The following IQCH variants were observed in gnomAD, a reference collection of about 807,000 sequenced individuals.
IQCH encodes IQ domain-containing protein H.
Under a neutral mutation model 117.0 loss-of-function variants are expected in IQCH, and 98 were observed. The observed-to-expected ratio is 0.84, with a 90% CI of 0.71 to 0.99. The LOEUF (loss-of-function observed/expected upper bound fraction) is 0.99, where lower values mean the gene tolerates loss of function less well. Among genes scored for constraint, IQCH ranks in the 50% least tolerant of loss-of-function variants. The pLI is 0.00. For missense variants in IQCH, 1,102 were observed against 1,243.8 expected (o/e 0.89, Z 1.72); for synonymous variants, 412 against 448.2 (o/e 0.92, Z 1.02).
chr15:67,293,995 G>T (rs1966839015), intron 4 of IQCH, among the ~76,000 whole-genome samples: 1 of 152,154 alleles, frequency 6.6e-6, no homozygotes, highest in African/African-American at 2.4e-5. Flanking sequence ...AATTTGAAAG[G>T]TCCCCTATAG....
rs932074903 is a variant in IQCH, at chr15:67,436,532, G to A, written c.2505+14955G>A. On this transcript the variant is annotated intron_variant, in intron 16 of 20. Coordinates refer to ENST00000335894, the MANE Select transcript of IQCH (RefSeq NM_001031715.3). This position sits in a 1 kb window ranked among gnomAD's most constrained non-coding sequence, Gnocchi z 5.1. ...AGGGAGAAGGAATTCTCTAGCTAAA[G>A]TTTGTAACAACTTGAACAGGGTGAG... Among the ~76,000 whole-genome samples the A allele has an allele frequency of 7.2e-5, 11 of 152,298 alleles. No individual in the cohort carries two copies. In the East Asian group the frequency reaches 2.1e-3, roughly 29 times the overall value.
chr15:67,362,308 C>T (rs1490635750), intron 8 of IQCH, among the ~76,000 whole-genome samples: 3 of 151,702 alleles, frequency 2.0e-5, no homozygotes, highest in African/African-American at 7.3e-5. Context: ...AAAAAAAATC[C>T]AAATTGAAGA....
rs1965456175 is a variant in IQCH, at chr15:67,261,398, A to C, written c.174+4A>C. 3.8e-6 allele frequency: 6 copies of C among 1,582,098 alleles called. No homozygotes were observed. In the South Asian group the frequency reaches 7.1e-5, roughly 19 times the overall value. On this transcript the variant is annotated splice_donor_region_variant and intron_variant, in intron 2 of 20. Coordinates refer to ENST00000335894, the MANE Select transcript of IQCH (RefSeq NM_001031715.3). ...AAGGACTGAAGTGGGGTTAAGAGTAAGTAGAGCTTTAGATATTAAAATACT... is the reference window on the plus strand; with the variant it reads ...AAGGACTGAAGTGGGGTTAAGAGTACGTAGAGCTTTAGATATTAAAATACT...
rs1969282064 is a variant in IQCH, at chr15:67,344,078, TA to T, written c.525del (p.Ile175MetfsTer5). 2 of 1,612,970 alleles carry T rather than the reference TA, an allele frequency of 1.2e-6. No homozygotes were observed. Among genetic ancestry groups the T allele is most frequent in the Non-Finnish European group, 1.7e-6 (2 of 1,179,262 alleles). Reference sequence around the variant, plus strand: ...TTCTTTTTAGGGATTTTAAGTATGATAGAACGAGGGCTGATTCCACCAACAG... The same window carrying T: ...TTCTTTTTAGGGATTTTAAGTATGATGAACGAGGGCTGATTCCACCAACAG... ...ADAHKGILSM[I>X]ERGLIPPTAR... On this transcript the variant is annotated frameshift_variant, in exon 6 of 21. Coordinates refer to ENST00000335894, the MANE Select transcript of IQCH (RefSeq NM_001031715.3). LOFTEE classifies it high-confidence loss of function.
At chr15:67,343,019 A>C (rs1446989668) in intron 5 of IQCH, among the ~76,000 whole-genome samples, 1 of 152,220 alleles carries the variant, frequency 6.6e-6, no homozygotes, top group South Asian at 2.1e-4. Context: ...AGTGTTTTAC[A>C]AGTGAACTAT....
chr15:67,420,094 C>G (rs541669321), intron 15 of IQCH, among the ~76,000 whole-genome samples: 19 of 152,256 alleles, frequency 1.2e-4, no homozygotes, highest in Non-Finnish European at 4.4e-5. Flanking sequence ...GTAGCACACA[C>G]GAGTAGGCCT....
chr15:67,302,248 C>G (rs935018867), intron 4 of IQCH, among the ~76,000 whole-genome samples: 1 of 152,116 alleles, frequency 6.6e-6, no homozygotes, highest in African/African-American at 2.4e-5. Flanking sequence ...AACCCACATC[C>G]AGTCAATACA....
chr15:67,383,267 TTA>T (rs1300629037), intron 10 of IQCH, among the ~76,000 whole-genome samples: 1 of 152,222 alleles, frequency 6.6e-6, no homozygotes, highest in Non-Finnish European at 1.5e-5. Context: ...ATACACTTCT[TTA>T]AAATGGGTGT....
In IQCH at chr15:67,465,875, A is replaced by C. The variant is rs1424990809; in HGVS notation, c.2676+578A>C. 6.6e-6 allele frequency among the ~76,000 whole-genome samples: 1 copy of C among 152,184 alleles called. No individual in the cohort carries two copies. The highest frequency in any genetic ancestry group is 1.5e-5 in the Non-Finnish European group (1 of 68,026). On this transcript the variant is annotated intron_variant, in intron 17 of 20. Transcript: ENST00000335894. The surrounding 1 kb of genome is among the most constrained non-coding windows in gnomAD (Gnocchi z 5.9). ...TCTCTCTCCACAAAGATAGTGTCTT[A>C]GTGTCGGCTTCCACCATCTCACACC... is the stretch of plus-strand genomic sequence containing the variant.
At chr15:67,377,158 CTT>C (rs1442768118) in intron 10 of IQCH, among the ~76,000 whole-genome samples, 1 of 149,652 alleles carries the variant, frequency 6.7e-6, no homozygotes, top group Non-Finnish European at 1.5e-5. Context: ...GAAAGGAGGA[CTT>C]ATGAAACTTG....
In IQCH at chr15:67,403,251, A is replaced by G. The variant is rs1231404171; in HGVS notation, c.2097+2946A>G. Among the ~76,000 whole-genome samples, 2 of 147,784 alleles carry G rather than the reference A, an allele frequency of 1.4e-5. No individual in the cohort carries two copies. Among genetic ancestry groups the G allele is most frequent in the African/African-American group, 2.5e-5 (1 of 40,688 alleles). On this transcript the variant is annotated intron_variant, in intron 14 of 20. Coordinates refer to ENST00000335894, the MANE Select transcript of IQCH (RefSeq NM_001031715.3). The surrounding 1 kb of genome is among the most constrained non-coding windows in gnomAD (Gnocchi z 4.8). The stretch of plus-strand genomic sequence containing the variant: ...GGCGACAGAGTGAGACACTGTCTCA[A>G]AAAAAAAAAAAAGTCATCTCTTTTT...
chr15:67,327,072 A>G (rs773525112), intron 4 of IQCH, among the ~76,000 whole-genome samples: 3 of 152,202 alleles, frequency 2.0e-5, no homozygotes, highest in Admixed American at 6.5e-5. Flanking sequence ...TCAGATTTCT[A>G]TTTACATTTG....
rs188947634 is a variant in IQCH, at chr15:67,498,595, G to A, written c.2971-2038G>A. Among the ~76,000 whole-genome samples, 131 of 143,998 alleles carry A rather than the reference G, an allele frequency of 9.1e-4. 3 individuals carry two copies. In the East Asian group the frequency reaches 0.019, roughly 21 times the overall value. 94.5% of individuals were successfully genotyped at this position (143,998 alleles called of 152,430 possible). A position where few individuals can be genotyped will look rare whatever the true frequency, so the allele number is the denominator to read the frequency against. Reference sequence around the variant, plus strand: ...TGCACCACTGCACTCCAGCCTGGGCGACAGAGCGAGATTCCGTCTCAAAAA... The same window carrying A: ...TGCACCACTGCACTCCAGCCTGGGCAACAGAGCGAGATTCCGTCTCAAAAA... On this transcript the variant is annotated intron_variant, in intron 20 of 20. Transcript: ENST00000335894.
intron 4 of IQCH, among the ~76,000 whole-genome samples, chr15:67,327,946 G>A (rs1411966796): frequency 6.6e-6 from 1 of 152,128 alleles, no homozygotes; most frequent in South Asian, 2.1e-4. Context: ...TGACTTTCAA[G>A]CCAGTAAGAC....
intron 1 of IQCH, among the ~76,000 whole-genome samples, chr15:67,256,481 A>G (rs538656353): frequency 5.9e-5 from 9 of 152,282 alleles, no homozygotes; most frequent in Non-Finnish European, 1.2e-4. Flanking sequence ...AACACCCATT[A>G]TAAATCATGT....
In IQCH at chr15:67,459,090, G is replaced by A. The variant is rs2082728386; in HGVS notation, c.2506-6037G>A. On this transcript the variant is annotated intron_variant, in intron 16 of 20. Transcript: ENST00000335894. This position sits in a 1 kb window ranked among gnomAD's most constrained non-coding sequence, Gnocchi z 4.2. ...TTAGTTAAGGAAAGTGTGGCCCGGA[G>A]AGGCAACTTCTTTTGGGTCACAGAT... Among the ~76,000 whole-genome samples the A allele has an allele frequency of 1.3e-5, 2 of 152,206 alleles. No individual in the cohort carries two copies. Among genetic ancestry groups the A allele is most frequent in the African/African-American group, 4.8e-5 (2 of 41,458 alleles).
At chr15:67,271,922 T>A (rs1429406068) in intron 3 of IQCH, among the ~76,000 whole-genome samples, 1 of 152,168 alleles carries the variant, frequency 6.6e-6, no homozygotes. Context: ...CATTTATTTC[T>A]GCTCTAGTCT....
rs1346407357 is a variant in IQCH at position 67,403,176 on chromosome 15, G to A, written c.2097+2871G>A. The stretch of plus-strand genomic sequence containing the variant: ...GAGGCAGGAGAATTGCTTGAACCCA[G>A]GAGACAGAGGTTGCAGTGAGCCGAG... On this transcript the variant is annotated intron_variant, in intron 14 of 20. Transcript: ENST00000335894. The surrounding 1 kb of genome is among the most constrained non-coding windows in gnomAD (Gnocchi z 4.8). 6.6e-6 allele frequency among the ~76,000 whole-genome samples: 1 copy of A among 150,886 alleles called. No individual in the cohort carries two copies. Among genetic ancestry groups the A allele is most frequent in the Non-Finnish European group, 1.5e-5 (1 of 67,660 alleles).
At chr15:67,450,821 T>G (rs2082505295) in intron 16 of IQCH, among the ~76,000 whole-genome samples, 1 of 152,260 alleles carries the variant, frequency 6.6e-6, no homozygotes, top group Admixed American at 6.5e-5. Context: ...TTTGTACCGC[T>G]GGTAGAATTC....
Sources: gnomAD v4.1 joint callset for allele counts (sites outside exome capture counted in the v4.1 genomes callset) on GRCh38, gnomAD v4.1.1 for gene constraint, Gnocchi (gnomAD v3.1) non-coding constraint, MANE v1.5 for transcripts, NCBI Gene and HGNC (gene_info 2026-07-23, HGNC 2026-07-21) for gene names.